Variants in GNG12 observed in about 807,000 individuals in gnomAD.
The protein encoded by GNG12 is guanine nucleotide-binding protein G(I)/G(S)/G(O) subunit gamma-12.
For synonymous variants in GNG12, 28 were observed against 29.7 expected (o/e 0.94, Z 0.19); for missense variants, 69 against 83.8 (o/e 0.82, Z 0.69).
chr1:67,743,806 A>G (rs942283646), intron 2 of GNG12, among the ~76,000 whole-genome samples: 1 of 152,242 alleles, frequency 6.6e-6, no homozygotes, highest in African/African-American at 2.4e-5. Flanking sequence ...GTTATGAGGC[A>G]GACCAGTCAT....
At chr1:67,796,741 G>T (rs922045521) in intron 1 of GNG12, among the ~76,000 whole-genome samples, 2 of 152,190 alleles carry the variant, frequency 1.3e-5, no homozygotes, top group African/African-American at 4.8e-5. Flanking sequence ...TAGAAATGGG[G>T]TAGTGTTGTT....
At chr1:67,816,787 T>C (rs1646955897) in intron 1 of GNG12, among the ~76,000 whole-genome samples, 1 of 152,140 alleles carries the variant, frequency 6.6e-6, no homozygotes, top group African/African-American at 2.4e-5. Flanking sequence ...CCCAGCTCAC[T>C]AGATTTAATG....
chr1:67,707,450 G>C, intron 3 of GNG12, 144 bp downstream of exon 3: 2 of 651,982 alleles, frequency 3.1e-6, no homozygotes, highest in Non-Finnish European at 5.4e-6. Context: ...TGAAAGTTAG[G>C]ATTTTGAGAC....
At chr1:67,736,973 A>C (rs934706217) in intron 2 of GNG12, among the ~76,000 whole-genome samples, 6 of 152,212 alleles carry the variant, frequency 3.9e-5, no homozygotes. Flanking sequence ...TGGAGGAGTG[A>C]GTGAGCATGG....
At chr1:67,832,304 C>CT (rs1647051519) in intron 1 of GNG12, 1 of 152,196 alleles carries the variant, frequency 6.6e-6, no homozygotes, top group Non-Finnish European at 1.5e-5. Context: ...TCTCGACCCA[C>CT]TTGTTTGTAT....
chr1:67,749,598 GAAGCA>G (rs1189086792), intron 2 of GNG12, among the ~76,000 whole-genome samples: 14 of 152,292 alleles, frequency 9.2e-5, no homozygotes, highest in Non-Finnish European at 1.8e-4. Context: ...CTGCCCCCAG[GAAGCA>G]CGTCTCAGAG....
chr1:67,807,720 T>C (rs1424166110), intron 1 of GNG12, among the ~76,000 whole-genome samples: 1 of 151,914 alleles, frequency 6.6e-6, no homozygotes, highest in Non-Finnish European at 1.5e-5. Flanking sequence ...CCAGATGAAA[T>C]GGACATACTC....
chr1:67,786,497 A>C (rs922689776), intron 1 of GNG12, among the ~76,000 whole-genome samples: 1 of 152,190 alleles, frequency 6.6e-6, no homozygotes, highest in Non-Finnish European at 1.5e-5. Flanking sequence ...AGCAAGGCCA[A>C]AGAAAACTGT....
chr1:67,750,286 G>A (rs1453195247), intron 2 of GNG12, among the ~76,000 whole-genome samples: 2 of 152,142 alleles, frequency 1.3e-5, no homozygotes, highest in Non-Finnish European at 2.9e-5. Context: ...GATTACAAAC[G>A]AACAGGGAAC....
intron 2 of GNG12, among the ~76,000 whole-genome samples, chr1:67,736,238 C>T (rs1182190590): frequency 6.6e-6 from 1 of 152,084 alleles, no homozygotes; most frequent in Admixed American, 6.5e-5. Context: ...ACAACGCCCA[C>T]CTCTTCTTCC....
intron 2 of GNG12, among the ~76,000 whole-genome samples, chr1:67,753,744 T>A (rs1387208099): frequency 6.6e-6 from 1 of 152,170 alleles, no homozygotes; most frequent in African/African-American, 2.4e-5. Flanking sequence ...TGAATAAAGA[T>A]CTTTGAAGGG....
intron 2 of GNG12, among the ~76,000 whole-genome samples, chr1:67,765,867 G>T (rs1646633971): frequency 6.6e-6 from 1 of 152,028 alleles, no homozygotes; most frequent in Non-Finnish European, 1.5e-5. Context: ...TTTCTAGTGG[G>T]CTTTACGTCT....
chr1:67,751,409 G>T (rs1646538296), intron 2 of GNG12, among the ~76,000 whole-genome samples: 1 of 152,152 alleles, frequency 6.6e-6, no homozygotes, highest in South Asian at 2.1e-4. Flanking sequence ...AGTATCTGAA[G>T]AAAAAAGCTT....
At chr1:67,760,125 C>T (rs774111964) in intron 2 of GNG12, among the ~76,000 whole-genome samples, 6 of 152,186 alleles carry the variant, frequency 3.9e-5, no homozygotes, top group South Asian at 2.1e-4. Context: ...TTCACTGTGG[C>T]GAAGTGCTGA....
chr1:67,714,824 C>T (rs372065309), intron 2 of GNG12, among the ~76,000 whole-genome samples: 131 of 152,266 alleles, frequency 8.6e-4, no homozygotes, highest in African/African-American at 3.0e-3. Flanking sequence ...GTCATTAATC[C>T]AAAATGATTG....
At chr1:67,715,229 T>C (rs1300524987) in intron 2 of GNG12, among the ~76,000 whole-genome samples, 2 of 152,196 alleles carry the variant, frequency 1.3e-5, no homozygotes, top group Non-Finnish European at 2.9e-5. Context: ...GACCATCTAC[T>C]AATAAATGCC....
At chr1:67,777,556 G>T in intron 1 of GNG12, 49 bp from the exon 2 acceptor site, 1 of 381,850 alleles carries the variant, frequency 2.6e-6, no homozygotes, top group Non-Finnish European at 3.6e-6. Flanking sequence ...CATTTGGAAA[G>T]GGTGTGCTTT....
chr1:67,730,881 G>C (rs1191787692), intron 2 of GNG12, among the ~76,000 whole-genome samples: 1 of 152,068 alleles, frequency 6.6e-6, no homozygotes, highest in Non-Finnish European at 1.5e-5. Flanking sequence ...TCTTTTTACT[G>C]TGGGGATTCT....
chr1:67,820,007 T>A (rs907928565), intron 1 of GNG12, among the ~76,000 whole-genome samples: 1 of 151,992 alleles, frequency 6.6e-6, no homozygotes, highest in Non-Finnish European at 1.5e-5. Context: ...CCTCGTCATG[T>A]GATTTTTACT....
Sources: gnomAD v4.1 joint callset for allele counts (sites outside exome capture counted in the v4.1 genomes callset) on GRCh38, gnomAD v4.1.1 for gene constraint, MANE v1.5 for transcripts, NCBI Gene and HGNC (gene_info 2026-07-23, HGNC 2026-07-21) for gene names.